LPIN1: variants seen among roughly 807,000 people sequenced by gnomAD.
LPIN1 encodes phosphatidate phosphatase LPIN1.
A neutral mutation model predicts 107.5 loss-of-function variants in LPIN1; 71 were observed. The ratio of observed to expected loss-of-function variants is 0.66; its 90% CI spans 0.55 to 0.80. The LOEUF (loss-of-function observed/expected upper bound fraction) is 0.80. Ranked by LOEUF, LPIN1 falls within the 30% of genes least tolerant of loss-of-function variation. LPIN1 has a pLI of 0.00. For missense variants in LPIN1, 1,043 were observed against 1,160.6 expected (o/e 0.90, Z 1.47); for synonymous variants, 445 against 452.6 (o/e 0.98, Z 0.21).
intron 8 of LPIN1, among the ~76,000 whole-genome samples, chr2:11,783,121 C>A (rs895723843): frequency 6.6e-6 from 1 of 152,174 alleles, no homozygotes; most frequent in Non-Finnish European, 1.5e-5. Context: ...TGATCTCCAT[C>A]CACCCAGCAG....
At chr2:11,714,276 G>A (rs2148526746) in intron 2 of LPIN1, among the ~76,000 whole-genome samples, 1 of 152,336 alleles carries the variant, frequency 6.6e-6, no homozygotes, top group Middle Eastern at 3.4e-3. Context: ...TCCCACCGCA[G>A]CCTCTTTGCC....
intron 18 of LPIN1, among the ~76,000 whole-genome samples, chr2:11,815,908 C>T (rs151268208): frequency 7.2e-5 from 11 of 152,154 alleles, no homozygotes; most frequent in African/African-American, 2.7e-4. Context: ...CACTGGACGT[C>T]CCTGTAGTTG....
chr2:11,769,753 T>G (rs889086196), intron 3 of LPIN1, among the ~76,000 whole-genome samples: 3 of 152,226 alleles, frequency 2.0e-5, no homozygotes, highest in Non-Finnish European at 4.4e-5. Context: ...TTAACTCTTT[T>G]GTTCACAGAT....
Position 11,783,896 on chromosome 2 carries a change from A to G in LPIN1, c.1332A>G (p.Glu444=). 6.2e-7 allele frequency: 1 copy of G among 1,614,198 alleles called. No individual in the cohort carries two copies. Among genetic ancestry groups the G allele is most frequent in the Non-Finnish European group, 8.5e-7 (1 of 1,180,022 alleles). The change falls in exon 9 of 21, where the codon GAA becomes GAG. Residue 444 remains glutamate (E), a synonymous_variant. Transcript: ENST00000674199. ...ATGACCTCACAGACATGGATCCTGA[A>G]GTGGCGGCCCTGTATTTTCCCAAAA... is the stretch of plus-strand genomic sequence containing the variant. ...YLDDLTDMDP[E]VAALYFPKNG... is the part of the protein sequence containing the mutation.
intron 1 of LPIN1, among the ~76,000 whole-genome samples, chr2:11,757,323 C>T (rs982470859): frequency 3.3e-5 from 5 of 152,116 alleles, no homozygotes; most frequent in East Asian, 1.9e-4. Flanking sequence ...TGCTTGATCA[C>T]GTGTTTTAGC....
intron 1 of LPIN1, among the ~76,000 whole-genome samples, chr2:11,726,493 G>T (rs1664673087): frequency 6.7e-6 from 1 of 149,218 alleles, no homozygotes; most frequent in Non-Finnish European, 1.5e-5. Flanking sequence ...TCTCTTCTCT[G>T]CTCATCTGTC....
At chr2:11,683,563 G>A (rs1661838219) in intron 1 of LPIN1, among the ~76,000 whole-genome samples, 1 of 152,168 alleles carries the variant, frequency 6.6e-6, no homozygotes, top group African/African-American at 2.4e-5. Flanking sequence ...AAACAGGGAG[G>A]TCTGAGATGG....
chr2:11,819,528 T>C lies in LPIN1; in HGVS notation c.2447T>C (p.Leu816Ser). 1 of 1,614,082 alleles carries C rather than the reference T, an allele frequency of 6.2e-7. No homozygotes were observed. The highest frequency in any genetic ancestry group is 2.2e-5 in the East Asian group (1 of 44,884). ...CCAGAAAAGTTTAAAGTCCAGTGTT[T>C]GACAGACATCAAAAACCTGTTTTTC... Reference protein sequence around the residue: ...KKPEKFKVQCLTDIKNLFFPN... With the variant: ...KKPEKFKVQCSTDIKNLFFPN... The change falls in exon 19 of 21, where the codon TTG becomes TCG. Residue 816 changes from leucine (L) to serine (S), a missense_variant. By Grantham distance (145) the Leu-to-Ser change is moderately radical (BLOSUM62 -2). Transcript: ENST00000674199.
chr2:11,779,950 G>C (rs893694095), intron 7 of LPIN1, among the ~76,000 whole-genome samples: 1 of 150,860 alleles, frequency 6.6e-6, no homozygotes, highest in Non-Finnish European at 1.5e-5. Context: ...GCTCTATCTT[G>C]GCTCACTGCA....
At chr2:11,735,110 G>A (rs573915102) in intron 1 of LPIN1, among the ~76,000 whole-genome samples, 3 of 152,046 alleles carry the variant, frequency 2.0e-5, no homozygotes, top group South Asian at 2.1e-4. Flanking sequence ...TGGCCAACAC[G>A]GTGAAACCCC....
intron 1 of LPIN1, among the ~76,000 whole-genome samples, chr2:11,747,914 C>A (rs1158786728): frequency 3.9e-5 from 6 of 152,202 alleles, no homozygotes; most frequent in Non-Finnish European, 8.8e-5. Flanking sequence ...TGGAGCCAGG[C>A]CTGGATATAG....
chr2:11,805,369 A>G, intron 17 of LPIN1: 1 of 637,512 alleles, frequency 1.6e-6, no homozygotes, highest in Non-Finnish European at 2.8e-6. Flanking sequence ...CCAAGAAACA[A>G]GGGGCGAAGT....
intron 2 of LPIN1, among the ~76,000 whole-genome samples, chr2:11,717,924 G>A (rs1663861207): frequency 6.6e-6 from 1 of 152,140 alleles, no homozygotes; most frequent in Non-Finnish European, 1.5e-5. Flanking sequence ...ACAAGAAGTT[G>A]CTCTCTTTCA....
chr2:11,787,267 T>G (rs1236087131), intron 11 of LPIN1, 100 bp downstream of exon 11: 1 of 871,006 alleles, frequency 1.1e-6, no homozygotes, highest in East Asian at 2.6e-5. Flanking sequence ...ATATATAAAA[T>G]AAAGACTTTG....
intron 1 of LPIN1, among the ~76,000 whole-genome samples, chr2:11,732,905 C>CTGTGTGTG (rs774820092): frequency 1.4e-4 from 20 of 146,952 alleles, no homozygotes; most frequent in African/African-American, 4.8e-4. Flanking sequence ...CTCTCTCTCT[C>CTGTGTGTG]TCTCTCTGTG....
At position 11,803,771 on chromosome 2, in the gene LPIN1, C is replaced by T. The variant is rs953787706; in HGVS notation, c.2014-652C>T. 6.6e-6 allele frequency among the ~76,000 whole-genome samples: 1 copy of T among 152,168 alleles called. No homozygotes were observed. The highest frequency in any genetic ancestry group is 1.5e-5 in the Non-Finnish European group (1 of 68,022). On this transcript the variant is annotated intron_variant, in intron 15 of 20. Transcript: ENST00000674199. This position sits in a 1 kb window ranked among gnomAD's most constrained non-coding sequence, Gnocchi z 4.2. ...GACACTGGGGACACCTGCAGTCAGG[C>T]AGCCTGGGGGTCTGAATGGCCAGCT...
At position 11,785,047 on chromosome 2, in the gene LPIN1, G is replaced by C. The variant is rs772229823; in HGVS notation, c.1520G>C (p.Gly507Ala). 2 of 1,588,290 alleles carry C rather than the reference G, an allele frequency of 1.3e-6. No individual in the cohort carries two copies. The highest frequency in any genetic ancestry group is 1.7e-6 in the Non-Finnish European group (2 of 1,167,168). Residue 507 changes from glycine (G) to alanine (A), a missense_variant, in exon 10 of 21, where the codon GGC (glycine) becomes GCC (alanine). Coordinates refer to ENST00000674199, the MANE Select transcript of LPIN1 (RefSeq NM_001349206.2). Reference protein sequence around the residue: ...LPSIAISLCGGLSDHREITKD... With the variant: ...LPSIAISLCGALSDHREITKD... ...TCCATCGCCATCTCCCTCTGCGGGGGCCTCAGCGACCACCGGGAGATCACG... is the reference window on the plus strand; with the variant it reads ...TCCATCGCCATCTCCCTCTGCGGGGCCCTCAGCGACCACCGGGAGATCACG...
rs996559917 is a variant in LPIN1, at chr2:11,796,353, G to A, written c.1886+866G>A. 5.3e-5 allele frequency among the ~76,000 whole-genome samples: 8 copies of A among 152,156 alleles called. No homozygotes were observed. The South Asian group carries it at 1.0e-3, about 20-fold the overall frequency. On this transcript the variant is annotated intron_variant, in intron 14 of 20. Transcript: ENST00000674199. Reference sequence around the variant, plus strand: ...TTGTTGATTTATGGGAGAGGCAGGCGTGGATTTCCATTCCTCTGAATCCCG... The same window carrying A: ...TTGTTGATTTATGGGAGAGGCAGGCATGGATTTCCATTCCTCTGAATCCCG...
intron 13 of LPIN1, among the ~76,000 whole-genome samples, chr2:11,794,250 T>G (rs1676282794): frequency 6.6e-6 from 1 of 152,186 alleles, no homozygotes; most frequent in African/African-American, 2.4e-5. Context: ...GTTCTAGAAT[T>G]TAAGATGGAA....
Sources: gnomAD v4.1 joint callset for allele counts (sites outside exome capture counted in the v4.1 genomes callset) on GRCh38, gnomAD v4.1.1 for gene constraint, Gnocchi (gnomAD v3.1) non-coding constraint, MANE v1.5 for transcripts, NCBI Gene and HGNC (gene_info 2026-07-23, HGNC 2026-07-21) for gene names.